The following TBC1D31 variants were observed in gnomAD, a reference collection of about 807,000 sequenced individuals.
The protein encoded by TBC1D31 is WD repeat domain 67.
A neutral mutation model predicts 132.9 loss-of-function variants in TBC1D31; 99 were observed. The ratio of observed to expected loss-of-function variants is 0.74; its 90% CI spans 0.63 to 0.88. TBC1D31 has a LOEUF of 0.88. Ranked by LOEUF, TBC1D31 falls within the 40% of genes least tolerant of loss-of-function variation. The pLI, the probability that TBC1D31 is intolerant of heterozygous loss-of-function variation, is 0.00. For synonymous variants in TBC1D31, 385 were observed against 419.4 expected (o/e 0.92, Z 1.00); for missense variants, 1,134 against 1,256.6 (o/e 0.90, Z 1.48).
At chr8:123,098,192 C>T (rs773412265) in intron 6 of TBC1D31, among the ~76,000 whole-genome samples, 1 of 152,260 alleles carries the variant, frequency 6.6e-6, no homozygotes, top group Middle Eastern at 3.4e-3. Flanking sequence ...TCTGTCACGC[C>T]TTTCTACCAT....
chr8:123,125,758 G>A (rs1292015630), intron 11 of TBC1D31, among the ~76,000 whole-genome samples: 3 of 152,148 alleles, frequency 2.0e-5, no homozygotes, highest in African/African-American at 7.2e-5. Context: ...ATCAGGTGAT[G>A]AACAAAGCAG....
At chr8:123,131,889 G>A (rs1232002638) in intron 16 of TBC1D31, among the ~76,000 whole-genome samples, 1 of 152,024 alleles carries the variant, frequency 6.6e-6, no homozygotes, top group Admixed American at 6.6e-5. Context: ...TTGTTAGTGA[G>A]GTTAAGTATC....
intron 10 of TBC1D31, among the ~76,000 whole-genome samples, chr8:123,112,273 A>T (rs959152236): frequency 1.3e-5 from 2 of 152,202 alleles, no homozygotes; most frequent in African/African-American, 4.8e-5. Flanking sequence ...GTTTTTTGAA[A>T]AATTTTTGTA....
chr8:123,158,098 G>A, the TBC1D31 span, among the ~76,000 whole-genome samples: 2 of 148,638 alleles, frequency 1.3e-5, no homozygotes, highest in Non-Finnish European at 3.0e-5. Context: ...TGTTAACTGG[G>A]AAGCCCGCTC....
intron 7 of TBC1D31, chr8:123,102,984 T>C (rs1041332974): frequency 5.9e-5 from 9 of 152,240 alleles, no homozygotes; most frequent in Admixed American, 2.6e-4. Context: ...AGTGCTAAGC[T>C]GTGAGTTCAA....
chr8:123,101,072 TAAAA>T, intron 7 of TBC1D31, 65 bp downstream of exon 7: 1 of 1,203,264 alleles, frequency 8.3e-7, no homozygotes, highest in Non-Finnish European at 1.2e-6. Context: ...TCATCAAGAA[TAAAA>T]TCTTTATGCT....
downstream of TBC1D31, among the ~76,000 whole-genome samples, chr8:123,155,920 A>G (rs187166492): frequency 2.1e-3 from 320 of 152,370 alleles, 1 homozygote; most frequent in Non-Finnish European, 3.9e-3. The surrounding 1 kb of genome is among the most constrained non-coding windows in gnomAD (Gnocchi z 4.1). Flanking sequence ...AGTCTTGAGC[A>G]AAGTTTGAAT....
At chr8:123,139,060 G>C (rs958269918) in intron 17 of TBC1D31, among the ~76,000 whole-genome samples, 1 of 151,054 alleles carries the variant, frequency 6.6e-6, no homozygotes, top group East Asian at 1.9e-4. Context: ...CTCCCACCTT[G>C]GCCTCCCAAA....
chr8:123,095,181 C>A (rs1313064255), intron 5 of TBC1D31, among the ~76,000 whole-genome samples: 2 of 152,076 alleles, frequency 1.3e-5, no homozygotes, highest in African/African-American at 4.8e-5. Flanking sequence ...GAGGCTTGAT[C>A]TGATTTAAGG....
chr8:123,138,403 G>A (rs1821305577), intron 17 of TBC1D31, among the ~76,000 whole-genome samples: 1 of 152,072 alleles, frequency 6.6e-6, no homozygotes, highest in Admixed American at 6.5e-5. Flanking sequence ...AGGTAATTAT[G>A]CTGTCTATAG....
intron 11 of TBC1D31, among the ~76,000 whole-genome samples, chr8:123,125,376 G>T (rs1478355930): frequency 1.3e-5 from 2 of 152,118 alleles, no homozygotes; most frequent in Non-Finnish European, 2.9e-5. Flanking sequence ...GACTTTCAAA[G>T]AATGCCACTG....
chr8:123,128,393 T>G lies in TBC1D31; in HGVS notation c.1997T>G (p.Phe666Cys). ...DIHPDSMLNV[F>C]VALTKGQYPV... is the part of the protein sequence containing the mutation. ...CATCCAGACAGCATGCTTAATGTTT[T>G]TGTTGCACTGACAAAAGGGCAGTAT... Residue 666 changes from phenylalanine to cysteine, a missense_variant, in exon 14 of 22, where the codon TTT (phenylalanine) becomes TGT (cysteine). Phe to Cys is a radical substitution (Grantham distance 205). Transcript: ENST00000287380. The G allele has an allele frequency of 1.2e-6, 2 of 1,613,704 alleles. No homozygotes were observed. Among genetic ancestry groups the G allele is most frequent in the Non-Finnish European group, 1.7e-6 (2 of 1,179,608 alleles).
chr8:123,080,919 T>C (rs1815088455), intron 2 of TBC1D31, among the ~76,000 whole-genome samples: 1 of 152,176 alleles, frequency 6.6e-6, no homozygotes, highest in Non-Finnish European at 1.5e-5. Flanking sequence ...CGGGATGGCA[T>C]ATTCTGCCAC....
the TBC1D31 span, among the ~76,000 whole-genome samples, chr8:123,159,286 AAAAG>A: frequency 0.018 from 2,686 of 150,202 alleles, 90 homozygotes; most frequent in African/African-American, 0.062. Flanking sequence ...AAAAAAAAGA[AAAAG>A]AAAAAACGAA....
At chr8:123,155,304 C>T (rs1023414583), downstream of TBC1D31, among the ~76,000 whole-genome samples, 6 of 152,254 alleles carry the variant, frequency 3.9e-5, no homozygotes, top group Non-Finnish European at 7.4e-5. The surrounding 1 kb of genome is among the most constrained non-coding windows in gnomAD (Gnocchi z 4.1). Flanking sequence ...TGTGGTGACT[C>T]ATGCAACAAG....
chr8:123,157,132 G>C (rs145494105), downstream of TBC1D31, among the ~76,000 whole-genome samples: 220 of 152,246 alleles, frequency 1.4e-3, no homozygotes, highest in African/African-American at 4.8e-3. Context: ...GACACTCGTC[G>C]CAGATATGTC....
chr8:123,132,621 T>C (rs1025014256), intron 16 of TBC1D31, among the ~76,000 whole-genome samples: 4 of 151,452 alleles, frequency 2.6e-5, no homozygotes, highest in African/African-American at 9.7e-5. Context: ...ACCATGTTGG[T>C]CAGGCTGATC....
At chr8:123,088,104 G>T (rs1240005687) in intron 4 of TBC1D31, among the ~76,000 whole-genome samples, 2 of 151,664 alleles carry the variant, frequency 1.3e-5, no homozygotes, top group African/African-American at 2.4e-5. Context: ...CAGAAGAATC[G>T]CTTGAACCCG....
intron 19 of TBC1D31, among the ~76,000 whole-genome samples, chr8:123,144,016 G>C (rs997449856): frequency 2.6e-5 from 4 of 152,098 alleles, no homozygotes; most frequent in Non-Finnish European, 4.4e-5. Flanking sequence ...CCCCTCATCA[G>C]TAACATGAAA....
Sources: allele counts gnomAD v4.1 joint callset (sites outside exome capture counted in the v4.1 genomes callset), GRCh38; gene constraint gnomAD v4.1.1; non-coding constraint Gnocchi (gnomAD v3.1); transcripts MANE v1.5; gene names NCBI Gene and HGNC (gene_info 2026-07-23, HGNC 2026-07-21).